Variants in SYBU observed in about 807,000 individuals in gnomAD.
The protein encoded by SYBU is syntabulin.
Under a neutral mutation model 35.9 loss-of-function variants are expected in SYBU, and 21 were observed. The ratio of observed to expected loss-of-function variants is 0.58; its 90% CI spans 0.41 to 0.84. SYBU has a LOEUF of 0.84. SYBU is among the 40% of genes least tolerant of loss of function. The pLI, the probability that SYBU is intolerant of heterozygous loss-of-function variation, is 0.00. For synonymous variants in SYBU, 319 were observed against 324.3 expected (o/e 0.98, Z 0.18); for missense variants, 768 against 848.2 (o/e 0.91, Z 1.17).
intron 2 of SYBU, among the ~76,000 whole-genome samples, chr8:109,631,642 T>C (rs1325857579): frequency 6.6e-6 from 1 of 152,094 alleles, no homozygotes; most frequent in Non-Finnish European, 1.5e-5. Flanking sequence ...AAATATTTGG[T>C]CCAAATATTT....
intron 6 of SYBU, 134 bp from the exon 7 acceptor site, chr8:109,576,147 G>A (rs1822289054): frequency 8.8e-7 from 1 of 1,141,154 alleles, no homozygotes; most frequent in Non-Finnish European, 1.2e-6. Context: ...TTGAAATACA[G>A]ATGTGAAATC....
chr8:109,601,656 T>C (rs1463283003), intron 3 of SYBU, among the ~76,000 whole-genome samples: 1 of 152,100 alleles, frequency 6.6e-6, no homozygotes, highest in Non-Finnish European at 1.5e-5. Context: ...ATGGCCCTGA[T>C]ACACCAGGAA....
At chr8:109,596,425 A>G (rs1824885933) in intron 3 of SYBU, among the ~76,000 whole-genome samples, 1 of 152,218 alleles carries the variant, frequency 6.6e-6, no homozygotes, top group Non-Finnish European at 1.5e-5. Context: ...CACAAAAACT[A>G]GAACAGTGAC....
upstream of SYBU, chr8:109,647,655 G>A (rs569873005): frequency 6.6e-5 from 10 of 152,348 alleles, no homozygotes; most frequent in African/African-American, 2.2e-4. Context: ...GGGCCCATCA[G>A]TGCAAGATAA....
intron 3 of SYBU, among the ~76,000 whole-genome samples, chr8:109,615,437 C>T (rs977969061): frequency 1.3e-5 from 2 of 152,052 alleles, no homozygotes; most frequent in African/African-American, 4.8e-5. Context: ...TCCAGGATTT[C>T]CTCTCTTCAT....
rs898107560 is a variant in SYBU at position 109,621,093 on chromosome 8, C to T, written c.230-2054G>A. ...TGTCCCCACAAAATAAAAATCTGTGCTTCAGAGTGTCTAACCTAAAAAACT... is the reference window on the plus strand; with the variant it reads ...TGTCCCCACAAAATAAAAATCTGTGTTTCAGAGTGTCTAACCTAAAAAACT... On this transcript the variant is annotated intron_variant, in intron 2 of 6. Transcript: ENST00000276646. Among the ~76,000 whole-genome samples the T allele has an allele frequency of 2.0e-5, 3 of 152,174 alleles. No homozygotes were observed. The South Asian group carries it at 6.2e-4, about 32-fold the overall frequency.
At chr8:109,645,440 T>C (rs1216227285), upstream of SYBU, 1 of 418,104 alleles carries the variant, frequency 2.4e-6, no homozygotes, top group Non-Finnish European at 4.8e-6. Context: ...GCCAGGCTGC[T>C]ATGTAGCCAG....
chr8:109,621,931 T>C (rs1156594596), intron 2 of SYBU, among the ~76,000 whole-genome samples: 1 of 152,158 alleles, frequency 6.6e-6, no homozygotes, highest in Non-Finnish European at 1.5e-5. Flanking sequence ...GGGAGTAACC[T>C]GAGGTATTTT....
chr8:109,610,095 C>A (rs1337846017), intron 3 of SYBU, among the ~76,000 whole-genome samples: 1 of 152,162 alleles, frequency 6.6e-6, no homozygotes, highest in Non-Finnish European at 1.5e-5. Context: ...CCACCCCATC[C>A]CCAACCCTCC....
At chr8:109,678,413 GGAAGA>G (rs1817277977) in intron 1 of SYBU, among the ~76,000 whole-genome samples, 1 of 148,866 alleles carries the variant, frequency 6.7e-6, no homozygotes, top group Non-Finnish European at 1.5e-5. Context: ...GGGGTGGGGT[GGAAGA>G]GCAGTTTCAA....
chr8:109,649,192 G>A (rs536683744), upstream of SYBU, among the ~76,000 whole-genome samples: 43 of 151,548 alleles, frequency 2.8e-4, no homozygotes, highest in Admixed American at 2.0e-3. Flanking sequence ...AAGTAGAGAT[G>A]GGGGTTTCAC....
intron 3 of SYBU, among the ~76,000 whole-genome samples, chr8:109,610,322 G>T (rs1811032130): frequency 1.3e-5 from 2 of 152,202 alleles, no homozygotes; most frequent in Admixed American, 6.5e-5. Flanking sequence ...AATGGTGTCA[G>T]CATAGAGCAA....
At chr8:109,673,507 C>T (rs1488032414) in intron 1 of SYBU, among the ~76,000 whole-genome samples, 1 of 152,094 alleles carries the variant, frequency 6.6e-6, no homozygotes, top group African/African-American at 2.4e-5. Flanking sequence ...TAAAGAACAT[C>T]CACACAAAAA....
At chr8:109,650,536 T>C (rs1816085939) in intron 1 of SYBU, among the ~76,000 whole-genome samples, 1 of 152,168 alleles carries the variant, frequency 6.6e-6, no homozygotes, top group East Asian at 1.9e-4. Flanking sequence ...ACTGGTGCAG[T>C]TGTAGAGCTG....
intron 3 of SYBU, among the ~76,000 whole-genome samples, chr8:109,592,712 G>T (rs1412597687): frequency 1.3e-5 from 2 of 152,212 alleles, no homozygotes; most frequent in East Asian, 3.8e-4. Flanking sequence ...AGAAGTGAAA[G>T]TTTCTGACCA....
At position 109,619,121 on chromosome 8, in the gene SYBU, C is replaced by T. The variant is rs111499016; in HGVS notation, c.230-82G>A. 112 of 1,040,266 alleles carry T rather than the reference C, an allele frequency of 1.1e-4. No homozygotes were observed. In the Admixed American group the frequency reaches 1.1e-3, roughly 10 times the overall value. The allele number at this position is 1,040,266 out of a possible 1,614,324, so 64.4% of individuals were successfully genotyped here. On this transcript the variant is annotated intron_variant, in intron 2 of 6. Coordinates refer to ENST00000276646, the MANE Select transcript of SYBU (RefSeq NM_001099754.2). ...GAAGCCATGCGGTGCACCACACACA[C>T]GCACACGTGCACTCGCACACGTACA...
intron 2 of SYBU, among the ~76,000 whole-genome samples, chr8:109,627,409 G>T (rs1813107996): frequency 6.6e-6 from 1 of 152,176 alleles, no homozygotes; most frequent in Non-Finnish European, 1.5e-5. Flanking sequence ...TATAAACCAG[G>T]TGAAATTCTT....
chr8:109,583,952 G>A (rs1235683533), intron 4 of SYBU, among the ~76,000 whole-genome samples: 1 of 151,844 alleles, frequency 6.6e-6, no homozygotes, highest in African/African-American at 2.4e-5. Flanking sequence ...GGGATAACAG[G>A]CACCCACCTA....
chr8:109,587,339 A>T (rs1823733000), intron 3 of SYBU, among the ~76,000 whole-genome samples: 1 of 152,220 alleles, frequency 6.6e-6, no homozygotes, highest in Non-Finnish European at 1.5e-5. Context: ...ATATTATTTA[A>T]TATTGACATC....
Sources: gnomAD v4.1 joint callset for allele counts (sites outside exome capture counted in the v4.1 genomes callset) on GRCh38, gnomAD v4.1.1 for gene constraint, MANE v1.5 for transcripts, NCBI Gene and HGNC (gene_info 2026-07-23, HGNC 2026-07-21) for gene names.